The following ATP13A5 variants were observed in gnomAD, a reference collection of about 807,000 sequenced individuals.
The protein encoded by ATP13A5 is probable cation-transporting ATPase 13A5.
Under a neutral mutation model 150.2 loss-of-function variants are expected in ATP13A5, and 149 were observed. The ratio of observed to expected loss-of-function variants is 0.99; its 90% confidence interval spans 0.87 to 1.14. The LOEUF (loss-of-function observed/expected upper bound fraction) is 1.14. Among genes scored for constraint, ATP13A5 ranks in the 50% most tolerant of loss-of-function variants. The pLI is 0.00. For synonymous variants in ATP13A5, 497 were observed against 522.2 expected (o/e 0.95, Z 0.66); for missense variants, 1,383 against 1,449.3 (o/e 0.95, Z 0.74).
intron 20 of ATP13A5, among the ~76,000 whole-genome samples, chr3:193,311,403 G>A (rs1211134033): frequency 6.6e-6 from 1 of 152,166 alleles, no homozygotes; most frequent in Non-Finnish European, 1.5e-5. Context: ...ATAAACCATG[G>A]GGCCTTTGTT....
At chr3:193,347,956 G>A (rs1198018867) in intron 7 of ATP13A5, among the ~76,000 whole-genome samples, 1 of 152,184 alleles carries the variant, frequency 6.6e-6, no homozygotes. Context: ...AGAGAAGAAA[G>A]GCACCATGTA....
At chr3:193,372,314 G>GGC (rs1247532452) in intron 1 of ATP13A5, 1 of 107,286 alleles carries the variant, frequency 9.3e-6, no homozygotes, top group Non-Finnish European at 2.2e-5. Context: ...AAAAAAAAAG[G>GGC]GGGAAGTTCT....
rs143092676 is a variant in ATP13A5 at position 193,375,725 on chromosome 3, C to G, written c.63+2938G>C. 6.0e-3 allele frequency among the ~76,000 whole-genome samples: 910 copies of G among 152,266 alleles called. 13 individuals are homozygous for G. The highest frequency in any genetic ancestry group is 0.024 in the Middle Eastern group (7 of 294). ...CGCACCATGCCCAGGACAGTAAGCA[C>G]TACCAGGATGAGAACAGGAGATGGG... On this transcript the variant is annotated intron_variant, in intron 1 of 29. Coordinates refer to ENST00000342358, the MANE Select transcript of ATP13A5 (RefSeq NM_198505.4).
Position 193,378,694 on chromosome 3 carries a change from G to A in ATP13A5, c.32C>T (p.Ala11Val), listed in dbSNP as rs563560882. 1.9e-6 allele frequency: 3 copies of A among 1,613,946 alleles called. No individual in the cohort carries two copies. Among genetic ancestry groups the A allele is most frequent in the South Asian group, 2.2e-5 (2 of 91,080 alleles). MEENSKKDHR[A>V]LLNQGEEDEL... The stretch of plus-strand genomic sequence containing the variant: ...ATCCTCCTCTCCCTGGTTGAGCAAA[G>A]CCCGATGGTCCTTCTTACTGTTCTC... The change falls in exon 1 of 30, where the codon GCT becomes GTT. Residue 11 changes from alanine (A) to valine (V), a missense_variant. Around this residue, in one of 3 missense-constraint regions of ATP13A5, gnomAD observed 787 missense variants for 771.9 expected, o/e 1.02. Coordinates refer to ENST00000342358, the MANE Select transcript of ATP13A5 (RefSeq NM_198505.4).
intron 23 of ATP13A5, 41 bp downstream of exon 23, chr3:193,305,518 G>T: frequency 1.4e-6 from 2 of 1,446,538 alleles, no homozygotes; most frequent in Non-Finnish European, 1.9e-6. Flanking sequence ...CAGACAATGG[G>T]CCCATTGATT....
Position 193,307,297 on chromosome 3 carries a change from C to T in ATP13A5, c.2568+30G>A, listed in dbSNP as rs181762374. The T allele has an allele frequency of 4.0e-5, 64 of 1,613,494 alleles. 1 individual carries two copies. The East Asian group carries it at 1.4e-3, about 34-fold the overall frequency. On this transcript the variant is annotated intron_variant, in intron 22 of 29. Coordinates refer to ENST00000342358, the MANE Select transcript of ATP13A5 (RefSeq NM_198505.4). Reference sequence around the variant, plus strand: ...CCTCCAGAGGGATATTAGTGAGTGGCTTGTCTGAGCAAAAGCCATTTCTAC... The same window carrying T: ...CCTCCAGAGGGATATTAGTGAGTGGTTTGTCTGAGCAAAAGCCATTTCTAC...
intron 19 of ATP13A5, 192 bp downstream of exon 19, chr3:193,313,841 G>A: frequency 1.6e-6 from 1 of 610,716 alleles, no homozygotes; most frequent in South Asian, 2.5e-5. Flanking sequence ...TGCACTGGAA[G>A]CTTAGAAACT....
At chr3:193,302,704 C>G (rs1217850269) in intron 23 of ATP13A5, among the ~76,000 whole-genome samples, 2 of 152,156 alleles carry the variant, frequency 1.3e-5, no homozygotes, top group African/African-American at 4.8e-5. Context: ...AGGACTTGAA[C>G]TATAGCAACA....
Position 193,341,188 on chromosome 3 carries a change from C to T in ATP13A5, c.943+2739G>A, listed in dbSNP as rs536559927. Among the ~76,000 whole-genome samples, 208 of 148,108 alleles carry T rather than the reference C, an allele frequency of 1.4e-3. 3 individuals are homozygous for T. Among genetic ancestry groups the T allele is most frequent in the Middle Eastern group, 0.014 (4 of 288 alleles). ...TTCCCCCCCCCTCCCAAATGATATTCCCTTTTGTCTCCAGACTCCTCCCAT... is the reference window on the plus strand; with the variant it reads ...TTCCCCCCCCCTCCCAAATGATATTTCCTTTTGTCTCCAGACTCCTCCCAT... On this transcript the variant is annotated intron_variant, in intron 9 of 29. Transcript: ENST00000342358.
intron 7 of ATP13A5, among the ~76,000 whole-genome samples, chr3:193,347,744 G>A (rs1326490240): frequency 6.6e-6 from 1 of 152,086 alleles, no homozygotes; most frequent in Non-Finnish European, 1.5e-5. Context: ...TCCCTAGGAC[G>A]TCCACTCCGG....
At chr3:193,343,378 C>G (rs1712201656) in intron 9 of ATP13A5, among the ~76,000 whole-genome samples, 3 of 152,180 alleles carry the variant, frequency 2.0e-5, no homozygotes, top group African/African-American at 7.2e-5. Context: ...AGATTAGTTT[C>G]TGCTCAGTGA....
intron 25 of ATP13A5, among the ~76,000 whole-genome samples, chr3:193,296,891 A>C (rs1316541385): frequency 1.3e-5 from 2 of 151,942 alleles, no homozygotes; most frequent in Non-Finnish European, 2.9e-5. Context: ...GCATATTCTC[A>C]CTTATAAGTG....
At chr3:193,302,131 C>G (rs1225240395) in intron 23 of ATP13A5, among the ~76,000 whole-genome samples, 3 of 152,120 alleles carry the variant, frequency 2.0e-5, no homozygotes, top group Non-Finnish European at 4.4e-5. Context: ...GGACGTGACC[C>G]ACATCCACTT....
At chr3:193,350,513 C>T (rs1345997057) in intron 7 of ATP13A5, among the ~76,000 whole-genome samples, 8 of 152,098 alleles carry the variant, frequency 5.3e-5, no homozygotes, top group Admixed American at 2.6e-4. Flanking sequence ...CACAACCCAT[C>T]CCCTAACTCC....
chr3:193,304,330 G>C (rs1188909897), intron 23 of ATP13A5, among the ~76,000 whole-genome samples: 1 of 152,122 alleles, frequency 6.6e-6, no homozygotes, highest in Non-Finnish European at 1.5e-5. Context: ...GGTGTGAAAG[G>C]ACACACGTGC....
chr3:193,341,768 C>T lies in ATP13A5; in HGVS notation c.943+2159G>A, dbSNP rs191461669. On this transcript the variant is annotated intron_variant, in intron 9 of 29. Coordinates refer to ENST00000342358, the MANE Select transcript of ATP13A5 (RefSeq NM_198505.4). ...TTTTAAGGATGGCAAAATTTGGAACCGACATAAAAATTAAGTGTAGTTATA... is the reference window on the plus strand; with the variant it reads ...TTTTAAGGATGGCAAAATTTGGAACTGACATAAAAATTAAGTGTAGTTATA... Among the ~76,000 whole-genome samples the T allele has an allele frequency of 1.3e-3, 195 of 152,156 alleles. 3 individuals are homozygous for T. The East Asian group carries it at 0.031, about 25-fold the overall frequency.
At chr3:193,298,764 GA>G (rs1193300717) in intron 25 of ATP13A5, among the ~76,000 whole-genome samples, 1 of 152,092 alleles carries the variant, frequency 6.6e-6, no homozygotes, top group East Asian at 1.9e-4. Context: ...CAAAGACCTA[GA>G]AAAAAATCTG....
intron 1 of ATP13A5, among the ~76,000 whole-genome samples, chr3:193,375,897 A>G (rs76263827): frequency 0.011 from 1,711 of 152,304 alleles, 35 homozygotes; most frequent in African/African-American, 0.039. Context: ...TGATTGAAGG[A>G]GTTCATTATT....
chr3:193,323,022 T>G (rs1719339911), intron 14 of ATP13A5, among the ~76,000 whole-genome samples: 1 of 152,246 alleles, frequency 6.6e-6, no homozygotes, highest in African/African-American at 2.4e-5. Context: ...GGAGTTGGTA[T>G]GTCAGCTGCT....
Sources: allele counts gnomAD v4.1 joint callset (sites outside exome capture counted in the v4.1 genomes callset), GRCh38; gene constraint gnomAD v4.1.1; regional missense constraint gnomAD v4.1.1; transcripts MANE v1.5; gene names NCBI Gene and HGNC (gene_info 2026-07-23, HGNC 2026-07-21).